Variants in IRAG1 observed in about 807,000 individuals in gnomAD.
The protein encoded by IRAG1 is IP3R-associated cGMP kinase substrate.
A neutral mutation model predicts 106.2 loss-of-function variants in IRAG1; 62 were observed. The observed-to-expected ratio is 0.58, with a 90% CI of 0.48 to 0.72. IRAG1 has a LOEUF of 0.72. Among genes scored for constraint, IRAG1 ranks in the 30% least tolerant of loss-of-function variants. The probability of loss-of-function intolerance (pLI) is 0.00; values close to 1 mark genes in which losing one functional copy is unlikely to be tolerated. For missense variants in IRAG1, 1,064 were observed against 1,140.7 expected (o/e 0.93, Z 0.97); for synonymous variants, 462 against 443.9 (o/e 1.04, Z -0.51).
intron 2 of IRAG1, among the ~76,000 whole-genome samples, chr11:10,641,428 G>C (rs1208115074): frequency 6.6e-6 from 1 of 152,212 alleles, no homozygotes; most frequent in Non-Finnish European, 1.5e-5. Context: ...TGGGGCATCT[G>C]ACCACATAAG....
chr11:10,655,262 C>A (rs1262679221), intron 1 of IRAG1, among the ~76,000 whole-genome samples: 2 of 152,106 alleles, frequency 1.3e-5, no homozygotes, highest in Non-Finnish European at 2.9e-5. Context: ...TTGTGCTCTG[C>A]CTGTTAAGAA....
chr11:10,646,200 G>T (rs1857930624), intron 2 of IRAG1, among the ~76,000 whole-genome samples: 1 of 152,208 alleles, frequency 6.6e-6, no homozygotes, highest in Non-Finnish European at 1.5e-5. Context: ...CACTGACTGA[G>T]GGTGTAAGCC....
chr11:10,585,709 C>T (rs1851895546), intron 18 of IRAG1, among the ~76,000 whole-genome samples: 1 of 152,000 alleles, frequency 6.6e-6, no homozygotes, highest in Non-Finnish European at 1.5e-5. Flanking sequence ...TTACCCTGTG[C>T]AGTCTGATAT....
At chr11:10,658,700 T>C (rs534863073) in intron 1 of IRAG1, 2 of 177,862 alleles carry the variant, frequency 1.1e-5, no homozygotes, top group African/African-American at 2.8e-5. Context: ...GTCCCAGGTC[T>C]GTGCTGTGGT....
chr11:10,600,878 C>T, intron 15 of IRAG1, 40 bp downstream of exon 15: 1 of 1,611,826 alleles, frequency 6.2e-7, no homozygotes. Flanking sequence ...TGGAAGTCCA[C>T]CTTGTAGGGC....
At position 10,644,918 on chromosome 11, in the gene IRAG1, G is replaced by A. The variant is rs76439704; in HGVS notation, c.225+7107C>T. Reference sequence around the variant, plus strand: ...CAAAAGGAGTCAAATGGATAGAGAAGCTGGCAATCTGCCTTCAGCAGTAAA... The same window carrying A: ...CAAAAGGAGTCAAATGGATAGAGAAACTGGCAATCTGCCTTCAGCAGTAAA... On this transcript the variant is annotated intron_variant, in intron 2 of 20. Transcript: ENST00000423302. Among the ~76,000 whole-genome samples, 280 of 152,282 alleles carry A rather than the reference G, an allele frequency of 1.8e-3. 1 individual carries two copies. The highest frequency in any genetic ancestry group is 6.5e-3 in the African/African-American group (269 of 41,562).
chr11:10,579,194 G>T (rs1480784578), intron 20 of IRAG1, among the ~76,000 whole-genome samples: 1 of 152,182 alleles, frequency 6.6e-6, no homozygotes, highest in East Asian at 1.9e-4. Context: ...GAACAATGGG[G>T]TCGACCAGCA....
chr11:10,623,505 A>G (rs543177935), intron 10 of IRAG1, among the ~76,000 whole-genome samples: 1 of 152,284 alleles, frequency 6.6e-6, no homozygotes, highest in Admixed American at 6.5e-5. Flanking sequence ...GAGGAAAAGG[A>G]AGTGTCAAAA....
intron 10 of IRAG1, among the ~76,000 whole-genome samples, chr11:10,618,764 G>A (rs1044741936): frequency 6.6e-6 from 1 of 152,202 alleles, no homozygotes; most frequent in Non-Finnish European, 1.5e-5. Flanking sequence ...AAAATATTGT[G>A]AGTGAGAGTG....
chr11:10,639,874 A>G (rs1396371772), intron 2 of IRAG1, among the ~76,000 whole-genome samples: 1 of 152,198 alleles, frequency 6.6e-6, no homozygotes, highest in Non-Finnish European at 1.5e-5. Flanking sequence ...TTGGCGTCCA[A>G]GAAAGGGATG....
At chr11:10,623,628 G>C in intron 10 of IRAG1, 150 bp downstream of exon 10, 3 of 747,548 alleles carry the variant, frequency 4.0e-6, no homozygotes, top group Non-Finnish European at 6.7e-6. Context: ...GGTGCTGAGC[G>C]GGCAGAAGAC....
intron 1 of IRAG1, among the ~76,000 whole-genome samples, chr11:10,683,606 C>G (rs2135227933): frequency 6.6e-6 from 1 of 152,274 alleles, no homozygotes; most frequent in South Asian, 2.1e-4. Context: ...GAATGTATAA[C>G]TTGGGCTCCT....
intron 1 of IRAG1, chr11:10,652,437 G>A: frequency 1.1e-6 from 1 of 926,690 alleles, no homozygotes; most frequent in Non-Finnish European, 1.5e-6. Context: ...TCCCAGAAGG[G>A]AGAAATGTGC....
At chr11:10,675,895 C>G (rs1860614846) in intron 1 of IRAG1, among the ~76,000 whole-genome samples, 1 of 152,200 alleles carries the variant, frequency 6.6e-6, no homozygotes, top group Admixed American at 6.5e-5. Flanking sequence ...TTCTCCTACC[C>G]ACTGATCGAC....
intron 1 of IRAG1, among the ~76,000 whole-genome samples, chr11:10,685,984 T>C (rs994273359): frequency 2.0e-5 from 3 of 151,972 alleles, no homozygotes; most frequent in Non-Finnish European, 4.4e-5. Flanking sequence ...AGATCTCAGG[T>C]GGGAAACAAG....
chr11:10,609,001 G>T (rs1294528186), intron 11 of IRAG1, among the ~76,000 whole-genome samples: 1 of 152,164 alleles, frequency 6.6e-6, no homozygotes, highest in Non-Finnish European at 1.5e-5. Flanking sequence ...TGTGTTTTGT[G>T]TGAGGTAGGG....
At chr11:10,640,255 CA>C (rs1318351841) in intron 2 of IRAG1, among the ~76,000 whole-genome samples, 3 of 152,124 alleles carry the variant, frequency 2.0e-5, no homozygotes, top group African/African-American at 7.2e-5. Context: ...GGTGCCCATA[CA>C]AAAAGGCAGA....
intron 1 of IRAG1, among the ~76,000 whole-genome samples, chr11:10,662,532 A>C (rs1199563476): frequency 2.0e-5 from 3 of 152,210 alleles, no homozygotes. Context: ...TTAACTTATC[A>C]ATGGCTCTTC....
rs146761490 is a variant in IRAG1, at chr11:10,602,272, T to C, written c.1875+848A>G. Among the ~76,000 whole-genome samples, 10 of 152,366 alleles carry C rather than the reference T, an allele frequency of 6.6e-5. No homozygotes were observed. The East Asian group carries it at 1.9e-3, about 29-fold the overall frequency. ...GCACCACCCCAGGAACCTCCTCTCA[T>C]GTAACCAGAGCAGCAGGACATAGAT... On this transcript the variant is annotated intron_variant, in intron 14 of 20. Transcript: ENST00000423302.
Sources: allele counts gnomAD v4.1 joint callset (sites outside exome capture counted in the v4.1 genomes callset), GRCh38; gene constraint gnomAD v4.1.1; transcripts MANE v1.5; gene names NCBI Gene and HGNC (gene_info 2026-07-23, HGNC 2026-07-21).